The following BTBD8 variants were observed in gnomAD, a reference collection of about 807,000 sequenced individuals.
The protein encoded by BTBD8 is BTB domain containing 8.
In BTBD8, 110 loss-of-function variants were observed where a neutral mutation model predicts 162.9. The ratio of observed to expected loss-of-function variants is 0.68; its 90% confidence interval spans 0.58 to 0.79. The LOEUF (loss-of-function observed/expected upper bound fraction) is 0.79, where lower values mean the gene tolerates loss of function less well. BTBD8 is among the 30% of genes least tolerant of loss of function. BTBD8 has a pLI of 0.00. For missense variants in BTBD8, 1,905 were observed against 2,085.4 expected (o/e 0.91, Z 1.68); for synonymous variants, 667 against 716.1 (o/e 0.93, Z 1.10).
At chr1:92,115,099 G>T in intron 4 of BTBD8, 1 of 433,006 alleles carries the variant, frequency 2.3e-6, no homozygotes, top group Non-Finnish European at 4.5e-6. Flanking sequence ...TTGGCAGTGG[G>T]GACATGAAAG....
At chr1:92,128,678 C>T (rs1285100066) in intron 4 of BTBD8, among the ~76,000 whole-genome samples, 1 of 152,074 alleles carries the variant, frequency 6.6e-6, no homozygotes, top group South Asian at 2.1e-4. Flanking sequence ...CCTCGGCCTC[C>T]CAAAGTGCTG....
intron 9 of BTBD8, among the ~76,000 whole-genome samples, chr1:92,153,622 C>T (rs1438677501): frequency 6.6e-6 from 1 of 152,198 alleles, no homozygotes; most frequent in Non-Finnish European, 1.5e-5. Flanking sequence ...TTTTCTGTGA[C>T]TGGCCTATTT....
At chr1:92,111,538 G>T (rs181456949) in intron 4 of BTBD8, among the ~76,000 whole-genome samples, 197 of 152,130 alleles carry the variant, frequency 1.3e-3, no homozygotes, top group African/African-American at 4.6e-3. Flanking sequence ...TTGAGAAGTT[G>T]GTCTTTTTGC....
chr1:92,084,983 A>G (rs1275317597), intron 1 of BTBD8, among the ~76,000 whole-genome samples: 2 of 152,222 alleles, frequency 1.3e-5, no homozygotes, highest in African/African-American at 4.8e-5. Flanking sequence ...TTCCCTAACC[A>G]GCTCTTACTC....
rs568853030 is a variant in BTBD8 at position 92,166,926 on chromosome 1, A to G, written c.1123-32A>G. ...GAGTTATTTTATTAGCAGTAATAGCATCTAACTTTCCAATTTTTTTTTAAA... is the reference window on the plus strand; with the variant it reads ...GAGTTATTTTATTAGCAGTAATAGCGTCTAACTTTCCAATTTTTTTTTAAA... On this transcript the variant is annotated intron_variant, in intron 9 of 17. Transcript: ENST00000636805. The G allele has an allele frequency of 1.8e-4, 269 of 1,523,478 alleles. 3 individuals carry two copies. In the East Asian group the frequency reaches 6.5e-3, roughly 37 times the overall value. The allele number at this position is 1,523,478 out of a possible 1,614,324, so 94.4% of individuals were successfully genotyped here. A position where few individuals can be genotyped will look rare whatever the true frequency, so the allele number is the denominator to read the frequency against.
intron 2 of BTBD8, among the ~76,000 whole-genome samples, chr1:92,089,248 G>A (rs756913514): frequency 1.3e-5 from 2 of 152,044 alleles, no homozygotes; most frequent in Admixed American, 6.5e-5. Flanking sequence ...GGCATTTCAG[G>A]TTGTATAATT....
chr1:92,152,116 A>C (rs2100645087), intron 9 of BTBD8, among the ~76,000 whole-genome samples: 1 of 152,346 alleles, frequency 6.6e-6, no homozygotes, highest in East Asian at 1.9e-4. Flanking sequence ...ACCTAGTCTT[A>C]AAACCAATTG....
chr1:92,088,646 T>C, intron 1 of BTBD8, 52 bp from the exon 2 acceptor site: 1 of 1,372,446 alleles, frequency 7.3e-7, no homozygotes, highest in Non-Finnish European at 9.8e-7. Flanking sequence ...AAAATATGTA[T>C]ACGTTTTTTA....
chr1:92,143,850 T>C (rs975861014), intron 7 of BTBD8, among the ~76,000 whole-genome samples: 1 of 151,766 alleles, frequency 6.6e-6, no homozygotes, highest in African/African-American at 2.4e-5. Flanking sequence ...TGGTAACAGA[T>C]ATTTGAGAGA....
Position 92,080,349 on chromosome 1 carries a change from C to G in BTBD8, c.-223C>G, listed in dbSNP as rs1181888166. The G allele has an allele frequency of 5.0e-6, 3 of 606,050 alleles. No homozygotes were observed. The East Asian group carries it at 1.0e-4, about 21-fold the overall frequency. 37.5% of individuals were successfully genotyped at this position (606,050 alleles called of 1,614,324 possible). ...GCGAGTACGCCTGCGCACGCTCTTC[C>G]TGGGTCAAGAGCCGGCTCGGTTCTG... is the stretch of plus-strand genomic sequence containing the variant. On this transcript the variant is annotated 5_prime_UTR_variant, in exon 1 of 18. Coordinates refer to ENST00000636805, the MANE Select transcript of BTBD8 (RefSeq NM_001376131.1).
chr1:92,099,027 G>C (rs1018525118), intron 2 of BTBD8, among the ~76,000 whole-genome samples: 2 of 152,142 alleles, frequency 1.3e-5, no homozygotes, highest in Non-Finnish European at 2.9e-5. Context: ...TGTACTTTTA[G>C]CTTTTCCATT....
At position 92,180,649 on chromosome 1, in the gene BTBD8, A is replaced by G. The variant is rs1650858510; in HGVS notation, c.2966A>G (p.Lys989Arg). The change falls in exon 17 of 18, where the codon AAA becomes AGA. Residue 989 changes from lysine to arginine, a missense_variant. This residue lies in a region of BTBD8 where 1,374 missense variants were observed against 1,442.7 expected (regional missense o/e 0.95). Transcript: ENST00000636805. ...AGTGTTTCTGAACAGAAGCCTCACA[A>G]ACCTCTCATTAATCTTGCATCTGAA... ...KDSVSEQKPH[K>R]PLINLASEIS... The G allele has an allele frequency of 8.4e-6, 13 of 1,551,366 alleles. No individual in the cohort carries two copies. Among genetic ancestry groups the G allele is most frequent in the Non-Finnish European group, 1.1e-5 (13 of 1,146,900 alleles).
chr1:92,091,145 T>TG (rs1648283817), intron 2 of BTBD8, among the ~76,000 whole-genome samples: 1 of 152,164 alleles, frequency 6.6e-6, no homozygotes, highest in African/African-American at 2.4e-5. Context: ...GATTGGATCA[T>TG]GGGGGTGGAT....
intron 13 of BTBD8, among the ~76,000 whole-genome samples, chr1:92,171,984 G>A (rs186986569): frequency 6.6e-6 from 1 of 152,124 alleles, no homozygotes; most frequent in East Asian, 1.9e-4. Flanking sequence ...CCAGCTACTC[G>A]GGAGGCTGAG....
At chr1:92,105,980 AGTTAG>A (rs1648714923) in intron 3 of BTBD8, among the ~76,000 whole-genome samples, 1 of 152,168 alleles carries the variant, frequency 6.6e-6, no homozygotes, top group South Asian at 2.1e-4. Context: ...AACACTCCTA[AGTTAG>A]GTTAGGTTTT....
chr1:92,124,285 T>A (rs1649297348), intron 4 of BTBD8, among the ~76,000 whole-genome samples: 1 of 152,248 alleles, frequency 6.6e-6, no homozygotes, highest in Non-Finnish European at 1.5e-5. Flanking sequence ...TTCTTAAATA[T>A]ATATATTTTG....
intron 5 of BTBD8, 129 bp from the exon 6 acceptor site, chr1:92,139,221 A>G (rs1243742707): frequency 4.3e-6 from 4 of 928,842 alleles, no homozygotes; most frequent in Admixed American, 6.4e-5. Flanking sequence ...ATGTTATTTG[A>G]AGAGTATATT....
chr1:92,147,631 T>G, intron 8 of BTBD8, 53 bp from the exon 9 acceptor site: 1 of 1,434,632 alleles, frequency 7.0e-7, no homozygotes, highest in Non-Finnish European at 9.7e-7. Context: ...TATTGACTAT[T>G]ATAATGAAAA....
At chr1:92,167,332 G>A (rs1360505683) in intron 10 of BTBD8, among the ~76,000 whole-genome samples, 192 bp downstream of exon 10, 2 of 152,206 alleles carry the variant, frequency 1.3e-5, no homozygotes, top group Non-Finnish European at 2.9e-5. Flanking sequence ...GATGAGAAAG[G>A]CGAGAGGGAC....
Sources: gnomAD v4.1 joint callset for allele counts (sites outside exome capture counted in the v4.1 genomes callset) on GRCh38, gnomAD v4.1.1 for gene constraint, gnomAD v4.1.1 regional missense constraint, MANE v1.5 for transcripts, NCBI Gene and HGNC (gene_info 2026-07-23, HGNC 2026-07-21) for gene names.